The following NLN variants were observed in gnomAD, a reference collection of about 807,000 sequenced individuals.
NLN encodes neurolysin.
In NLN, 64 loss-of-function variants were observed where a neutral mutation model predicts 79.9. The observed-to-expected ratio is 0.80, with a 90% CI of 0.65 to 0.99. The LOEUF is 0.99. Among genes scored for constraint, NLN ranks in the 50% least tolerant of loss-of-function variants. The pLI is 0.00. For missense variants in NLN, 835 were observed against 858.7 expected (o/e 0.97, Z 0.34); for synonymous variants, 267 against 296.6 (o/e 0.90, Z 1.02).
At chr5:65,817,012 C>T (rs1760685414) in intron 12 of NLN, among the ~76,000 whole-genome samples, 1 of 152,132 alleles carries the variant, frequency 6.6e-6, no homozygotes, top group Admixed American at 6.6e-5. Context: ...TCTCTGTAAC[C>T]TCCTGCCATC....
intron 12 of NLN, among the ~76,000 whole-genome samples, chr5:65,817,833 T>C (rs1760701854): frequency 6.6e-6 from 1 of 152,210 alleles, no homozygotes; most frequent in Admixed American, 6.5e-5. Flanking sequence ...GAATCTATAA[T>C]ATAAAGCTAA....
chr5:65,811,184 C>T (rs1050957422), intron 11 of NLN, among the ~76,000 whole-genome samples: 5 of 151,602 alleles, frequency 3.3e-5, no homozygotes, highest in South Asian at 4.2e-4. Context: ...TTTTTTTCAC[C>T]AAGGAAATTG....
At chr5:65,770,774 G>A (rs930346184) in intron 3 of NLN, among the ~76,000 whole-genome samples, 1 of 152,142 alleles carries the variant, frequency 6.6e-6, no homozygotes, top group African/African-American at 2.4e-5. Context: ...TCTATAAATT[G>A]TGGCACATTT....
intron 11 of NLN, among the ~76,000 whole-genome samples, chr5:65,811,234 G>A (rs1282482350): frequency 6.6e-6 from 1 of 152,152 alleles, no homozygotes; most frequent in African/African-American, 2.4e-5. Flanking sequence ...AGAGAATAAA[G>A]ATAAGAATGG....
Position 65,822,829 on chromosome 5 carries a change from G to C in NLN, c.2029G>C (p.Asp677His). 1.9e-6 allele frequency: 3 copies of C among 1,612,070 alleles called. No homozygotes were observed. The highest frequency in any genetic ancestry group is 2.5e-6 in the Non-Finnish European group (3 of 1,178,186). ...NLILKPGGSLDGMDMLHNFLK... is the reference protein window; with the variant it reads ...NLILKPGGSLHGMDMLHNFLK... Reference sequence around the variant, plus strand: ...AATCCTGAAACCTGGGGGATCTCTGGACGGCATGGACATGCTCCACAATTT... The same window carrying C: ...AATCCTGAAACCTGGGGGATCTCTGCACGGCATGGACATGCTCCACAATTT... The change falls in exon 13 of 13, where the codon GAC becomes CAC. Residue 677 changes from aspartate (D) to histidine (H), a missense_variant. Asp to His is a moderately conservative substitution (Grantham distance 81). Transcript: ENST00000380985.
chr5:65,756,539 A>G (rs1255569778), intron 1 of NLN, among the ~76,000 whole-genome samples: 1 of 152,146 alleles, frequency 6.6e-6, no homozygotes, highest in East Asian at 1.9e-4. Flanking sequence ...CTTTCAACTC[A>G]TTATAATTTG....
At chr5:65,773,498 G>A (rs570354081) in intron 3 of NLN, among the ~76,000 whole-genome samples, 4 of 152,144 alleles carry the variant, frequency 2.6e-5, no homozygotes, top group South Asian at 2.1e-4. Context: ...TTCTTTTAAC[G>A]GCATTGTAAT....
Position 65,828,706 on chromosome 5 carries a change from A to T in NLN, c.*5791A>T, listed in dbSNP as rs189863910. Reference sequence around the variant, plus strand: ...CCTGTAGCTGCCAGGAGTGTTACAGAGGGCATTCCTCCCTTGAGTTGACAT... The same window carrying T: ...CCTGTAGCTGCCAGGAGTGTTACAGTGGGCATTCCTCCCTTGAGTTGACAT... On this transcript the variant is annotated 3_prime_UTR_variant, in exon 13 of 13. Coordinates refer to ENST00000380985, the MANE Select transcript of NLN (RefSeq NM_020726.5). 6.6e-6 allele frequency: 1 copy of T among 152,328 alleles called. No homozygotes were observed. The highest frequency in any genetic ancestry group is 6.5e-5 in the Admixed American group (1 of 15,298). 9.4% of individuals were successfully genotyped at this position (152,328 alleles called of 1,614,324 possible).
intron 9 of NLN, among the ~76,000 whole-genome samples, chr5:65,803,354 C>A (rs1206731107): frequency 1.3e-5 from 2 of 152,228 alleles, no homozygotes; most frequent in Non-Finnish European, 2.9e-5. Flanking sequence ...AGCTTCCCTC[C>A]CATGCTCGTC....
At chr5:65,733,666 AT>A (rs1758663037) in intron 1 of NLN, 1 of 1,255,996 alleles carries the variant, frequency 8.0e-7, no homozygotes, top group East Asian at 2.4e-5. Context: ...GGAAGGCCTG[AT>A]TAGTGGGATG....
chr5:65,742,261 A>C (rs1758884819), intron 1 of NLN, among the ~76,000 whole-genome samples: 1 of 142,068 alleles, frequency 7.0e-6, no homozygotes, highest in Non-Finnish European at 1.6e-5. Context: ...GAAAATAATC[A>C]TTGTTCTTAA....
At chr5:65,796,615 A>G (rs767179004) in intron 9 of NLN, among the ~76,000 whole-genome samples, 27 of 152,188 alleles carry the variant, frequency 1.8e-4, no homozygotes, top group Non-Finnish European at 2.5e-4. Flanking sequence ...CTTCTTGTCT[A>G]TTAATCCTTT....
In NLN at chr5:65,758,783, G is replaced by C. The variant is rs1434991476; in HGVS notation, c.258G>C (p.Glu86Asp). ...TCGGTATTGAGGAAGTAACTTACGA[G>C]AACTGTCTGCAGGCACTGGCAGATG... Reference protein sequence around the residue: ...GMLGIEEVTYENCLQALADVE... With the variant: ...GMLGIEEVTYDNCLQALADVE... Residue 86 changes from glutamate (E) to aspartate (D), a missense_variant, in exon 2 of 13, where the codon GAG becomes GAC. By Grantham distance (45) the Glu-to-Asp change is conservative (BLOSUM62 2). Coordinates refer to ENST00000380985, the MANE Select transcript of NLN (RefSeq NM_020726.5). 1 of 1,613,848 alleles carries C rather than the reference G, an allele frequency of 6.2e-7. No individual in the cohort carries two copies. Among genetic ancestry groups the C allele is most frequent in the Non-Finnish European group, 8.5e-7 (1 of 1,179,788 alleles).
chr5:65,761,796 T>C (rs756262925), intron 2 of NLN, among the ~76,000 whole-genome samples: 1 of 152,216 alleles, frequency 6.6e-6, no homozygotes, highest in Non-Finnish European at 1.5e-5. Flanking sequence ...GTGGCAGGTA[T>C]TTCTAATAGC....
intron 2 of NLN, among the ~76,000 whole-genome samples, 191 bp downstream of exon 2, chr5:65,759,017 A>C (rs1579928434): frequency 6.6e-6 from 1 of 152,244 alleles, no homozygotes; most frequent in Non-Finnish European, 1.5e-5. Context: ...CTCTGATTAC[A>C]CTGCTCTCTG....
At chr5:65,752,206 G>A (rs1253196584) in intron 1 of NLN, among the ~76,000 whole-genome samples, 1 of 151,636 alleles carries the variant, frequency 6.6e-6, no homozygotes, top group East Asian at 1.9e-4. Flanking sequence ...CACCTGGACT[G>A]TAGCCTGGCT....
At chr5:65,776,114 G>C (rs942724689) in intron 3 of NLN, among the ~76,000 whole-genome samples, 1 of 152,090 alleles carries the variant, frequency 6.6e-6, no homozygotes, top group Non-Finnish European at 1.5e-5. Flanking sequence ...TTAGCTGGAC[G>C]TGGTGGCACA....
intron 9 of NLN, among the ~76,000 whole-genome samples, chr5:65,794,378 A>G (rs919071467): frequency 1.3e-5 from 2 of 152,222 alleles, no homozygotes; most frequent in African/African-American, 4.8e-5. Flanking sequence ...TGGGAGGCCA[A>G]GGGCGGCAGA....
intron 9 of NLN, among the ~76,000 whole-genome samples, chr5:65,807,917 T>C (rs941849348): frequency 6.6e-6 from 1 of 152,246 alleles, no homozygotes; most frequent in Non-Finnish European, 1.5e-5. Context: ...GGTATGCCTG[T>C]AATGCCTAAC....
Sources: gnomAD v4.1 joint callset for allele counts (sites outside exome capture counted in the v4.1 genomes callset) on GRCh38, gnomAD v4.1.1 for gene constraint, MANE v1.5 for transcripts, NCBI Gene and HGNC (gene_info 2026-07-23, HGNC 2026-07-21) for gene names.